Variants in DAB1 observed in about 807,000 individuals in gnomAD.
DAB1 encodes DAB adaptor protein 1, also known as disabled homolog 1.
A neutral mutation model predicts 64.6 loss-of-function variants in DAB1; 15 were observed. The ratio of observed to expected loss-of-function variants is 0.23; its 90% CI spans 0.16 to 0.36. The LOEUF (loss-of-function observed/expected upper bound fraction) is 0.36, where lower values mean the gene tolerates loss of function less well. Among genes scored for constraint, DAB1 ranks in the 10% least tolerant of loss-of-function variants. The probability of loss-of-function intolerance (pLI) is 1.00; values close to 1 mark genes in which losing one functional copy is unlikely to be tolerated. For synonymous variants in DAB1, 235 were observed against 251.9 expected, an observed-to-expected ratio of 0.93 and a Z score of 0.64; for missense variants, 596 against 706.7, an observed-to-expected ratio of 0.84 and a Z score of 1.78.
At chr1:57,927,190 C>A (rs1644891882) in intron 5 of DAB1, among the ~76,000 whole-genome samples, 1 of 152,178 alleles carries the variant, frequency 6.6e-6, no homozygotes, top group Non-Finnish European at 1.5e-5. Context: ...TACACAAAGA[C>A]CTTGCTAATT....
chr1:57,437,366 C>A (rs547405054), intron 7 of DAB1, among the ~76,000 whole-genome samples: 2 of 152,266 alleles, frequency 1.3e-5, no homozygotes, highest in East Asian at 3.9e-4. Context: ...AGTCACCACT[C>A]TTCCCTTGAA....
chr1:57,723,342 A>G (rs1200178413), intron 6 of DAB1, among the ~76,000 whole-genome samples: 1 of 152,062 alleles, frequency 6.6e-6, no homozygotes, highest in Non-Finnish European at 1.5e-5. Flanking sequence ...AGTTCTATGT[A>G]CTCATATGAA....
intron 7 of DAB1, among the ~76,000 whole-genome samples, chr1:57,625,475 G>A (rs1168930244): frequency 6.6e-6 from 1 of 152,128 alleles, no homozygotes; most frequent in African/African-American, 2.4e-5. Flanking sequence ...GTTTTATGGG[G>A]GAGGCAAACA....
intron 4 of DAB1, among the ~76,000 whole-genome samples, chr1:58,173,671 A>G (rs1337809386): frequency 6.6e-6 from 1 of 152,152 alleles, no homozygotes; most frequent in Non-Finnish European, 1.5e-5. Flanking sequence ...GAAAGTGAAA[A>G]CAACAAACTC....
chr1:57,115,981 T>C (rs1383488658), intron 4 of DAB1, among the ~76,000 whole-genome samples: 1 of 152,124 alleles, frequency 6.6e-6, no homozygotes, highest in Non-Finnish European at 1.5e-5. Flanking sequence ...CATTCCTGCC[T>C]CCATAGTTCA....
intron 7 of DAB1, among the ~76,000 whole-genome samples, chr1:57,582,256 GGAA>G (rs1645322520): frequency 6.6e-6 from 1 of 152,136 alleles, no homozygotes; most frequent in African/African-American, 2.4e-5. Context: ...TCACAATCAT[GGAA>G]GAAGGCAAAC....
intron 2 of DAB1, among the ~76,000 whole-genome samples, chr1:57,216,506 A>G (rs942477919): frequency 1.3e-5 from 2 of 152,150 alleles, no homozygotes; most frequent in Non-Finnish European, 2.9e-5. Flanking sequence ...GTTTCCCTAT[A>G]AGTAAAACTT....
At chr1:57,800,710 T>C (rs900471525) in intron 6 of DAB1, among the ~76,000 whole-genome samples, 7 of 152,162 alleles carry the variant, frequency 4.6e-5, no homozygotes, top group African/African-American at 9.7e-5. Flanking sequence ...AACCTACATC[T>C]AATTTTCACC....
At chr1:58,226,892 C>G (rs1381634564) in intron 4 of DAB1, among the ~76,000 whole-genome samples, 1 of 152,152 alleles carries the variant, frequency 6.6e-6, no homozygotes, top group African/African-American at 2.4e-5. Flanking sequence ...CAGTGTCCAC[C>G]AATGTCTTCC....
chr1:58,416,248 C>T (rs1186518082), intron 3 of DAB1, among the ~76,000 whole-genome samples: 1 of 152,190 alleles, frequency 6.6e-6, no homozygotes. Flanking sequence ...CCTGGCAGTG[C>T]TAGTCACACA....
intron 3 of DAB1, chr1:58,468,498 C>CA: frequency 6.6e-6 from 1 of 152,226 alleles, no homozygotes; most frequent in East Asian, 1.9e-4. Flanking sequence ...GGCTGAAAAA[C>CA]AGAGTCACTG....
Position 58,300,645 on chromosome 1 carries a change from AGAGG to A in DAB1, n.309+42703_309+42706del, listed in dbSNP as rs748081272. ...GAGAGAGAGAGAGAGAGAGAGAGAGAGAGGAAGGAAGGAAGGAAGGAAGGAAGGA... is the reference window on the plus strand; with the variant it reads ...GAGAGAGAGAGAGAGAGAGAGAGAGAAAGGAAGGAAGGAAGGAAGGAAGGA... On this transcript the variant is annotated intron_variant and non_coding_transcript_variant, in intron 4 of 20. Transcript: ENST00000485760. Among the ~76,000 whole-genome samples, 218 of 55,708 alleles carry A rather than the reference AGAGG, an allele frequency of 3.9e-3. 1 individual carries two copies. The highest frequency in any genetic ancestry group is 4.5e-3 in the Non-Finnish European group (125 of 27,570). The allele number at this position is 55,708 out of a possible 152,430, so 36.5% of individuals were successfully genotyped here.
At chr1:58,485,231 A>T (rs1389326468) in intron 3 of DAB1, among the ~76,000 whole-genome samples, 1 of 145,492 alleles carries the variant, frequency 6.9e-6, no homozygotes, top group Non-Finnish European at 1.5e-5. Context: ...CTACTACTAA[A>T]AAAAAAAAAA....
chr1:57,408,414 C>A (rs990947410), intron 1 of DAB1, among the ~76,000 whole-genome samples: 1 of 152,136 alleles, frequency 6.6e-6, no homozygotes, highest in Non-Finnish European at 1.5e-5. Context: ...GGTGACTATT[C>A]CTACTCACGG....
chr1:57,093,446 T>C (rs186293642), intron 4 of DAB1, among the ~76,000 whole-genome samples: 5 of 152,248 alleles, frequency 3.3e-5, no homozygotes, highest in African/African-American at 4.8e-5. Context: ...GAGTAATCTC[T>C]ACTTATCTAC....
intron 11 of DAB1, among the ~76,000 whole-genome samples, chr1:57,020,224 A>G (rs1029295915): frequency 6.6e-6 from 1 of 152,136 alleles, no homozygotes; most frequent in Non-Finnish European, 1.5e-5. Flanking sequence ...AGAAATTGCA[A>G]CTCCATGAGG....
chr1:57,925,122 A>G (rs551659948), intron 5 of DAB1, among the ~76,000 whole-genome samples: 1 of 152,296 alleles, frequency 6.6e-6, no homozygotes, highest in African/African-American at 2.4e-5. Flanking sequence ...TTTTCTTCTA[A>G]TAACTAGCAG....
intron 6 of DAB1, among the ~76,000 whole-genome samples, chr1:57,716,156 C>T (rs1647081873): frequency 6.6e-6 from 1 of 152,258 alleles, no homozygotes; most frequent in East Asian, 1.9e-4. Flanking sequence ...GATCCACCCG[C>T]CTTGGCCTTC....
chr1:57,515,950 G>A (rs1386682471), intron 7 of DAB1, among the ~76,000 whole-genome samples: 1 of 152,188 alleles, frequency 6.6e-6, no homozygotes, highest in African/African-American at 2.4e-5. Flanking sequence ...TTTACCCATT[G>A]AAGATTCCCT....
Sources: allele counts gnomAD v4.1 joint callset (sites outside exome capture counted in the v4.1 genomes callset), GRCh38; gene constraint gnomAD v4.1.1; transcripts MANE v1.5; gene names NCBI Gene and HGNC (gene_info 2026-07-23, HGNC 2026-07-21).